Variants in SMYD1 observed in about 807,000 individuals in gnomAD.
The protein encoded by SMYD1 is histone-lysine N-methyltransferase SMYD1.
In SMYD1, 49 loss-of-function variants were observed where a neutral mutation model predicts 54.0. The ratio of observed to expected loss-of-function variants is 0.91; its 90% CI spans 0.72 to 1.15. The LOEUF (loss-of-function observed/expected upper bound fraction) is 1.15, where lower values mean the gene tolerates loss of function less well. Among genes scored for constraint, SMYD1 ranks in the 50% most tolerant of loss-of-function variants. The pLI, the probability that SMYD1 is intolerant of heterozygous loss-of-function variation, is 0.00. For synonymous variants in SMYD1, 269 were observed against 234.2 expected (o/e 1.15, Z -1.36); for missense variants, 653 against 639.6 (o/e 1.02, Z -0.23).
chr2:88,076,403 T>C (rs1674064556), intron 1 of SMYD1, among the ~76,000 whole-genome samples: 1 of 152,104 alleles, frequency 6.6e-6, no homozygotes, highest in Non-Finnish European at 1.5e-5. Flanking sequence ...TTGTTTGTTT[T>C]TAGTAGAGAC....
At chr2:88,071,551 G>A (rs1347507401) in intron 1 of SMYD1, among the ~76,000 whole-genome samples, 1 of 152,202 alleles carries the variant, frequency 6.6e-6, no homozygotes, top group Non-Finnish European at 1.5e-5. Flanking sequence ...TGCTAGGCAT[G>A]ACTAATCAAT....
chr2:88,109,709 T>C (rs1674966176), intron 9 of SMYD1, among the ~76,000 whole-genome samples: 1 of 152,172 alleles, frequency 6.6e-6, no homozygotes, highest in Non-Finnish European at 1.5e-5. Flanking sequence ...GGTTTCCTCA[T>C]CTATAAAATG....
Position 88,085,136 on chromosome 2 carries a change from GA to G in SMYD1, c.314+654del, listed in dbSNP as rs377073859. Reference sequence around the variant, plus strand: ...AAAATTAGGATTTCTGACTTCTCTTGAAAAAAAAAATAAACAAAAAACTGAA... The same window carrying G: ...AAAATTAGGATTTCTGACTTCTCTTGAAAAAAAAATAAACAAAAAACTGAA... On this transcript the variant is annotated intron_variant, in intron 2 of 9. Transcript: ENST00000419482. Among the ~76,000 whole-genome samples the G allele has an allele frequency of 9.0e-4, 134 of 148,468 alleles. 2 individuals are homozygous for G. The highest frequency in any genetic ancestry group is 7.4e-3 in the South Asian group (35 of 4,698).
intron 7 of SMYD1, among the ~76,000 whole-genome samples, chr2:88,105,374 T>TAC (rs368510507): frequency 1.4e-4 from 20 of 146,740 alleles, no homozygotes; most frequent in African/African-American, 5.1e-4. Context: ...TGCGCATGCA[T>TAC]ATATACACAC....
intron 6 of SMYD1, among the ~76,000 whole-genome samples, chr2:88,097,944 G>A (rs1399706729): frequency 6.6e-6 from 1 of 152,108 alleles, no homozygotes; most frequent in Non-Finnish European, 1.5e-5. Context: ...AAGCAGTTGG[G>A]GTCCAAGGAT....
intron 6 of SMYD1, among the ~76,000 whole-genome samples, chr2:88,101,562 T>C (rs1674721287): frequency 6.6e-6 from 1 of 152,176 alleles, no homozygotes; most frequent in Non-Finnish European, 1.5e-5. Context: ...ACTGGTAAAG[T>C]CATTTAGACA....
At chr2:88,070,459 A>G (rs1673920865) in intron 1 of SMYD1, among the ~76,000 whole-genome samples, 1 of 151,950 alleles carries the variant, frequency 6.6e-6, no homozygotes, top group African/African-American at 2.4e-5. Context: ...TGTGTATTAT[A>G]TATTCTAACA....
intron 3 of SMYD1, among the ~76,000 whole-genome samples, chr2:88,090,470 A>G (rs2970917): frequency 0.092 from 13,962 of 152,316 alleles, 669 homozygotes; most frequent in Middle Eastern, 0.18. Flanking sequence ...TGAATCTCAG[A>G]GATAAGTGTT....
rs184840325 is a variant in SMYD1 at position 88,085,295 on chromosome 2, A to G, written c.314+803A>G. On this transcript the variant is annotated intron_variant, in intron 2 of 9. Transcript: ENST00000419482. ...ACCAGAGAGTGCATTTGAGTTTGCA[A>G]CTAATGGCCTTTCCTGGTGGCCATC... is the stretch of plus-strand genomic sequence containing the variant. 1.2e-4 allele frequency among the ~76,000 whole-genome samples: 18 copies of G among 152,252 alleles called. No homozygotes were observed. In the East Asian group the frequency reaches 3.1e-3, roughly 26 times the overall value.
chr2:88,092,079 G>C (rs569866178), intron 4 of SMYD1, among the ~76,000 whole-genome samples: 1 of 152,220 alleles, frequency 6.6e-6, no homozygotes, highest in South Asian at 2.1e-4. Flanking sequence ...ACTGTGTCTA[G>C]AGAAACCAGC....
At chr2:88,075,987 C>G (rs1338377885) in intron 1 of SMYD1, among the ~76,000 whole-genome samples, 1 of 152,152 alleles carries the variant, frequency 6.6e-6, no homozygotes, top group Non-Finnish European at 1.5e-5. Flanking sequence ...AAGACCTCAA[C>G]CTTCTCTGAG....
At chr2:88,096,258 CA>C (rs1425051319) in intron 5 of SMYD1, among the ~76,000 whole-genome samples, 1 of 152,138 alleles carries the variant, frequency 6.6e-6, no homozygotes, top group East Asian at 1.9e-4. Context: ...TCCTTTGTTA[CA>C]GACAATCAGT....
intron 1 of SMYD1, among the ~76,000 whole-genome samples, chr2:88,077,366 G>A (rs368976964): frequency 6.6e-6 from 1 of 152,236 alleles, no homozygotes; most frequent in Admixed American, 6.5e-5. Flanking sequence ...AGCTGCATCC[G>A]CCCGCCTTCT....
chr2:88,085,960 TA>T (rs1486892641), intron 2 of SMYD1, among the ~76,000 whole-genome samples: 1 of 152,166 alleles, frequency 6.6e-6, no homozygotes, highest in Non-Finnish European at 1.5e-5. Context: ...TAAAAATGGT[TA>T]AAATGGTTCA....
At chr2:88,106,526 A>AGT in intron 8 of SMYD1, 38 bp downstream of exon 8, 1 of 1,595,690 alleles carries the variant, frequency 6.3e-7, no homozygotes, top group Non-Finnish European at 8.6e-7. Context: ...GTCTCCTGGA[A>AGT]GTGTGTGTAT....
intron 1 of SMYD1, among the ~76,000 whole-genome samples, chr2:88,078,053 C>T (rs374031207): frequency 1.2e-4 from 19 of 152,142 alleles, no homozygotes; most frequent in African/African-American, 4.3e-4. Flanking sequence ...AGGGGAGTGC[C>T]CTTGTCCCCA....
rs1183507722 is a variant in SMYD1, at chr2:88,087,910, C to T, written c.363C>T (p.Leu121=). ...MWRVEREGTG[L]TEGCLVSVDD... ...GGGTGGAGAGAGAAGGCACCGGGCTCACGGAGGGCTGCCTGGTGTCCGTGG... is the reference window on the plus strand; with the variant it reads ...GGGTGGAGAGAGAAGGCACCGGGCTTACGGAGGGCTGCCTGGTGTCCGTGG... Residue 121 remains leucine (L), a synonymous_variant, in exon 3 of 10, where the codon CTC becomes CTT. Coordinates refer to ENST00000419482, the MANE Select transcript of SMYD1 (RefSeq NM_198274.4). 5 of 1,611,394 alleles carry T rather than the reference C, an allele frequency of 3.1e-6. No homozygotes were observed. Among genetic ancestry groups the T allele is most frequent in the African/African-American group, 2.7e-5 (2 of 74,902 alleles).
intron 4 of SMYD1, 22 bp from the exon 5 acceptor site, chr2:88,093,495 G>A: frequency 1.2e-6 from 2 of 1,613,998 alleles, no homozygotes; most frequent in Non-Finnish European, 1.7e-6. Context: ...ATTTCCATAT[G>A]GGTGTCTGTT....
intron 4 of SMYD1, among the ~76,000 whole-genome samples, chr2:88,092,371 A>G (rs2919851): frequency 0.79 from 119,827 of 152,108 alleles, 47,340 homozygotes; most frequent in East Asian, 0.87. Context: ...AGGATGGGGA[A>G]ATGTAGGGGA....
Sources: gnomAD v4.1 joint callset for allele counts (sites outside exome capture counted in the v4.1 genomes callset) on GRCh38, gnomAD v4.1.1 for gene constraint, MANE v1.5 for transcripts, NCBI Gene and HGNC (gene_info 2026-07-23, HGNC 2026-07-21) for gene names.